EFCAB5: variants seen among roughly 807,000 people sequenced by gnomAD.
The protein encoded by EFCAB5 is EF-hand calcium binding domain 5.
In EFCAB5, 131 loss-of-function variants were observed where a neutral mutation model predicts 167.9. The observed-to-expected ratio is 0.78, with a 90% CI of 0.68 to 0.90. The LOEUF is 0.90. Ranked by LOEUF, EFCAB5 falls within the 40% of genes least tolerant of loss-of-function variation. The pLI is 0.00. For missense variants in EFCAB5, 1,663 were observed against 1,745.2 expected, an observed-to-expected ratio of 0.95 and a Z score of 0.84; for synonymous variants, 574 against 602.8, an observed-to-expected ratio of 0.95 and a Z score of 0.70.
intron 22 of EFCAB5, among the ~76,000 whole-genome samples, chr17:30,102,448 G>A (rs2071394433): frequency 6.6e-6 from 1 of 152,058 alleles, no homozygotes; most frequent in South Asian, 2.1e-4. Flanking sequence ...ATGGCTCACT[G>A]TAACCTCGAA....
At chr17:29,942,912 C>T (rs558272571) in intron 2 of EFCAB5, among the ~76,000 whole-genome samples, 8 of 152,074 alleles carry the variant, frequency 5.3e-5, no homozygotes, top group South Asian at 4.2e-4. Context: ...GTGGTGCATG[C>T]GTGTAATCCT....
At chr17:30,044,158 A>T (rs1406814295) in intron 8 of EFCAB5, among the ~76,000 whole-genome samples, 1 of 152,230 alleles carries the variant, frequency 6.6e-6, no homozygotes, top group African/African-American at 2.4e-5. Context: ...GCACATCGAA[A>T]TAGGTTCAAT....
chr17:29,969,261 A>C lies in EFCAB5; in HGVS notation c.661A>C (p.Asn221His), dbSNP rs375454751. Residue 221 changes from asparagine to histidine, a missense_variant, in exon 4 of 23, where the codon AAC (asparagine) becomes CAC (histidine). Transcript: ENST00000394835. ...INYLGEYLIR[N>H]NPNYIKDPGM... Reference sequence around the variant, plus strand: ...TTATTTGGGGGAATATTTAATAAGAAACAATCCTAATTATATCAAAGACCC... The same window carrying C: ...TTATTTGGGGGAATATTTAATAAGACACAATCCTAATTATATCAAAGACCC... 8.7e-6 allele frequency: 14 copies of C among 1,613,652 alleles called. No individual in the cohort carries two copies. The African/African-American group carries it at 1.6e-4, about 18-fold the overall frequency.
intron 4 of EFCAB5, among the ~76,000 whole-genome samples, chr17:29,970,671 C>T (rs932445871): frequency 2.1e-5 from 3 of 140,336 alleles, no homozygotes; most frequent in Admixed American, 6.9e-5. Flanking sequence ...CACACACATA[C>T]ACACACACAC....
At chr17:30,072,437 TC>T (rs2151822546) in intron 14 of EFCAB5, among the ~76,000 whole-genome samples, 1 of 152,332 alleles carries the variant, frequency 6.6e-6, no homozygotes, top group East Asian at 1.9e-4. Flanking sequence ...TTTAAAAGTC[TC>T]ATTGAAAAGT....
At chr17:30,013,878 C>A (rs894847395) in intron 7 of EFCAB5, among the ~76,000 whole-genome samples, 2 of 152,196 alleles carry the variant, frequency 1.3e-5, no homozygotes, top group Non-Finnish European at 2.9e-5. Context: ...TTCTCTAGTT[C>A]TTTTAATTGT....
At chr17:30,048,716 G>A (rs2069999041) in intron 8 of EFCAB5, among the ~76,000 whole-genome samples, 1 of 152,088 alleles carries the variant, frequency 6.6e-6, no homozygotes, top group Non-Finnish European at 1.5e-5. Flanking sequence ...TTAAACTCCT[G>A]ACCTCAGGTG....
chr17:30,069,431 A>G, intron 14 of EFCAB5: 1 of 1,539,632 alleles, frequency 6.5e-7, no homozygotes, highest in Non-Finnish European at 9.0e-7. Flanking sequence ...ACTTCAAGAG[A>G]TATTCACGGA....
rs1567728632 is a variant in EFCAB5, at chr17:30,034,244, T to C, written c.1059T>C (p.His353=). The change falls in exon 8 of 23, where the codon CAT becomes CAC. Residue 353 remains histidine (H), a synonymous_variant. Coordinates refer to ENST00000394835, the MANE Select transcript of EFCAB5 (RefSeq NM_198529.4). ...TTCCCCTGTAGTACATCTCTTCACA[T>C]ATTAAAGACTTGAAGAGTGAAATGT... ...KMEFTEYISS[H]IKDLKSEMFE... 6.2e-7 allele frequency: 1 copy of C among 1,613,930 alleles called. No individual in the cohort carries two copies. Among genetic ancestry groups the C allele is most frequent in the Non-Finnish European group, 8.5e-7 (1 of 1,179,856 alleles).
chr17:30,082,683 C>T (rs758112274), intron 17 of EFCAB5, among the ~76,000 whole-genome samples: 2 of 152,092 alleles, frequency 1.3e-5, no homozygotes, highest in Non-Finnish European at 2.9e-5. Context: ...TGAGCCATGG[C>T]ACCTGGCCTA....
At chr17:30,037,709 G>A (rs184063331) in intron 8 of EFCAB5, among the ~76,000 whole-genome samples, 5 of 152,172 alleles carry the variant, frequency 3.3e-5, no homozygotes, top group Admixed American at 6.5e-5. Flanking sequence ...AAATGCATAC[G>A]TGCTTCAGCC....
chr17:30,060,849 T>C (rs1196277791), intron 14 of EFCAB5, among the ~76,000 whole-genome samples: 2 of 152,230 alleles, frequency 1.3e-5, no homozygotes, highest in South Asian at 2.1e-4. Flanking sequence ...ACAGTAGTTA[T>C]AGCAGCTGGG....
chr17:29,944,130 C>T (rs1890431129), intron 3 of EFCAB5, among the ~76,000 whole-genome samples: 1 of 152,014 alleles, frequency 6.6e-6, no homozygotes, highest in Non-Finnish European at 1.5e-5. Flanking sequence ...GACTGAAGTT[C>T]AGTGACACGG....
chr17:29,996,173 AT>A, intron 5 of EFCAB5, 138 bp from the exon 6 acceptor site: 1 of 635,274 alleles, frequency 1.6e-6, no homozygotes, highest in Non-Finnish European at 2.7e-6. Context: ...ACTTATTACT[AT>A]TTCTGTCCTT....
At chr17:30,034,451 C>A in intron 8 of EFCAB5, 66 bp downstream of exon 8, 1 of 1,527,236 alleles carries the variant, frequency 6.5e-7, no homozygotes, top group South Asian at 1.2e-5. Flanking sequence ...GTAATCCCAG[C>A]ACTTTAGGAG....
chr17:30,016,165 G>T (rs964341239), intron 7 of EFCAB5, among the ~76,000 whole-genome samples: 2 of 151,836 alleles, frequency 1.3e-5, no homozygotes, highest in Admixed American at 6.6e-5. Flanking sequence ...CCATTCTGTG[G>T]GTTGTTTTTT....
At position 30,091,891 on chromosome 17, in the gene EFCAB5, G is replaced by A. The variant is rs574774120; in HGVS notation, c.3958G>A (p.Val1320Ile). The change falls in exon 21 of 23, where the codon GTC becomes ATC. Residue 1320 changes from valine to isoleucine, a missense_variant. Coordinates refer to ENST00000394835, the MANE Select transcript of EFCAB5 (RefSeq NM_198529.4). ...YILEIENVRE[V>I]QRAGILFFRI... ...TCCAGAGATTGAAAATGTCAGGGAAGTCCAGCGGGCAGGAATTCTCTTCTT... is the reference window on the plus strand; with the variant it reads ...TCCAGAGATTGAAAATGTCAGGGAAATCCAGCGGGCAGGAATTCTCTTCTT... 11 of 1,613,890 alleles carry A rather than the reference G, an allele frequency of 6.8e-6. No individual in the cohort carries two copies. The African/African-American group carries it at 1.3e-4, about 20-fold the overall frequency.
At chr17:29,973,384 G>T (rs139688401) in intron 4 of EFCAB5, among the ~76,000 whole-genome samples, 43 of 151,896 alleles carry the variant, frequency 2.8e-4, no homozygotes, top group African/African-American at 9.6e-4. Context: ...GCTGAGAAAA[G>T]AAATATGTAA....
At chr17:30,063,514 C>A (rs994530112) in intron 14 of EFCAB5, among the ~76,000 whole-genome samples, 5 of 152,326 alleles carry the variant, frequency 3.3e-5, no homozygotes, top group African/African-American at 1.2e-4. Context: ...ACAGCCCAGC[C>A]TCCTGGGCTC....
Sources: allele counts gnomAD v4.1 joint callset (sites outside exome capture counted in the v4.1 genomes callset), GRCh38; gene constraint gnomAD v4.1.1; transcripts MANE v1.5; gene names NCBI Gene and HGNC (gene_info 2026-07-23, HGNC 2026-07-21).